The following DNAH17 variants were observed in gnomAD, a reference collection of about 807,000 sequenced individuals.
The protein encoded by DNAH17 is dynein axonemal heavy chain 17, also known as axonemal beta dynein heavy chain 17.
In DNAH17, 376 loss-of-function variants were observed where a neutral mutation model predicts 485.6. That is an observed-to-expected ratio of 0.77 (90% CI 0.71 to 0.84). The LOEUF is 0.84. DNAH17 is among the 40% of genes least tolerant of loss of function. The pLI, the probability that DNAH17 is intolerant of heterozygous loss-of-function variation, is 0.00. For missense variants in DNAH17, 6,370 were observed against 5,839.3 expected, an observed-to-expected ratio of 1.09 and a Z score of -2.96; for synonymous variants, 3,031 against 2,405.9, an observed-to-expected ratio of 1.26 and a Z score of -7.60.
chr17:78,569,607 T>C lies in DNAH17; in HGVS notation c.1045-80A>G. The C allele has an allele frequency of 2.0e-6, 3 of 1,490,710 alleles. No individual in the cohort carries two copies. In the East Asian group the frequency reaches 7.3e-5, roughly 36 times the overall value. 92.3% of individuals were successfully genotyped at this position (1,490,710 alleles called of 1,614,324 possible). A position where few individuals can be genotyped will look rare whatever the true frequency, so the allele number is the denominator to read the frequency against. On this transcript the variant is annotated intron_variant, in intron 7 of 80. Coordinates refer to ENST00000389840, the MANE Select transcript of DNAH17 (RefSeq NM_173628.4). ...GTCCAGGCACGCCGCCTGCAGGACCTGTGATCTGTTCTGACATATGGATAT... is the reference window on the plus strand; with the variant it reads ...GTCCAGGCACGCCGCCTGCAGGACCCGTGATCTGTTCTGACATATGGATAT...
chr17:78,519,311 G>C (rs1043465167), intron 25 of DNAH17, among the ~76,000 whole-genome samples: 1 of 151,980 alleles, frequency 6.6e-6, no homozygotes, highest in African/African-American at 2.4e-5. Context: ...CTAATGTAGA[G>C]AGGGAAATTT....
In DNAH17 at chr17:78,500,369, TC is replaced by T. The variant is rs2090236894; in HGVS notation, c.5575del (p.Asp1859ThrfsTer53). The T allele has an allele frequency of 2.5e-6, 4 of 1,612,478 alleles. No individual in the cohort carries two copies. The highest frequency in any genetic ancestry group is 3.4e-6 in the Non-Finnish European group (4 of 1,179,424). ...CATGGTGCCCAGGGCTCTGCCCAGG[TC>T]CTTGGTCGTCTCAGTCTTGCCGGTC... ...AGTGKTETTK[D>X]LGRALGTMVY... is the part of the protein sequence containing the mutation. On this transcript the variant is annotated frameshift_variant, in exon 36 of 81. Transcript: ENST00000389840. LOFTEE classifies it high-confidence loss of function.
chr17:78,572,634 G>T lies in DNAH17; in HGVS notation c.539+67C>A, dbSNP rs8073667. The stretch of plus-strand genomic sequence containing the variant: ...GTCGGAGTGGGGTGGAGTGGGGTGG[G>T]GGGTGGGGGTCAAGCATGTGCCTCT... On this transcript the variant is annotated intron_variant, in intron 3 of 80. Coordinates refer to ENST00000389840, the MANE Select transcript of DNAH17 (RefSeq NM_173628.4). The T allele has an allele frequency of 0.24, 325,412 of 1,360,924 alleles. 41,436 individuals carry two copies. Among genetic ancestry groups the T allele is most frequent in the East Asian group, 0.53 (20,828 of 38,936 alleles). The allele number at this position is 1,360,924 out of a possible 1,614,324, so 84.3% of individuals were successfully genotyped here. A position where few individuals can be genotyped will look rare whatever the true frequency, so the allele number is the denominator to read the frequency against.
At position 78,572,828 on chromosome 17, in the gene DNAH17, T is replaced by G. The variant is rs935092556; in HGVS notation, c.412A>C (p.Ile138Leu). Residue 138 changes from isoleucine to leucine, a missense_variant, in exon 3 of 81, where the codon ATC becomes CTC. Ile to Leu is a conservative substitution (Grantham distance 5). Transcript: ENST00000389840. ...TTCAGCCTGTGGACCTGCTTCACGA[T>G]GTCTTCCGAGACCACCTGGGGCCAT... ...AGWPQVVSED[I>L]VKQVHRLKNE... is the part of the protein sequence containing the mutation. 6.2e-7 allele frequency: 1 copy of G among 1,613,974 alleles called. No homozygotes were observed. The highest frequency in any genetic ancestry group is 1.7e-5 in the Admixed American group (1 of 60,012).
intron 33 of DNAH17, 73 bp downstream of exon 33, chr17:78,502,518 G>A (rs1366883859): frequency 2.9e-6 from 4 of 1,389,030 alleles, no homozygotes; most frequent in Non-Finnish European, 3.9e-6. Context: ...GGTTTCAGAA[G>A]GATACACGGG....
intron 16 of DNAH17, among the ~76,000 whole-genome samples, chr17:78,549,359 G>C (rs1055412797): frequency 1.3e-5 from 2 of 152,196 alleles, no homozygotes; most frequent in African/African-American, 4.8e-5. Flanking sequence ...CAGGAACTCA[G>C]TCTGCAGTAT....
chr17:78,572,448 G>T (rs577946912), intron 3 of DNAH17, among the ~76,000 whole-genome samples: 2 of 152,090 alleles, frequency 1.3e-5, no homozygotes, highest in African/African-American at 2.4e-5. Context: ...GTGACCCAGC[G>T]GGGGGTGTGG....
intron 25 of DNAH17, among the ~76,000 whole-genome samples, chr17:78,519,735 C>T (rs1366070034): frequency 1.3e-5 from 2 of 152,186 alleles, no homozygotes; most frequent in Non-Finnish European, 2.9e-5. Flanking sequence ...AAATTCACTA[C>T]CAAGATTTTC....
At chr17:78,434,706 T>C (rs1269130744) in intron 74 of DNAH17, among the ~76,000 whole-genome samples, 1 of 152,094 alleles carries the variant, frequency 6.6e-6, no homozygotes, top group Non-Finnish European at 1.5e-5. Flanking sequence ...ACCCTTTCTT[T>C]TTATCTGGCT....
At position 78,475,837 on chromosome 17, in the gene DNAH17, G is replaced by T; in HGVS notation, c.8155-4C>A. ...ATAAGAGTTCATCACCAAGATCCTA[G>T]AAAAAGAAAAAAAAAGACGATACTT... On this transcript the variant is annotated splice_region_variant and splice_polypyrimidine_tract_variant and intron_variant, in intron 52 of 80. Transcript: ENST00000389840. The T allele has an allele frequency of 6.3e-7, 1 of 1,595,964 alleles. No homozygotes were observed. The highest frequency in any genetic ancestry group is 8.5e-7 in the Non-Finnish European group (1 of 1,174,720).
intron 58 of DNAH17, among the ~76,000 whole-genome samples, chr17:78,460,648 T>A (rs1367436958): frequency 6.6e-6 from 1 of 152,156 alleles, no homozygotes; most frequent in African/African-American, 2.4e-5. Context: ...AACGCTCAGG[T>A]CAGAATGAGC....
intron 54 of DNAH17, among the ~76,000 whole-genome samples, chr17:78,473,185 A>G (rs900155037): frequency 2.0e-5 from 3 of 152,292 alleles, no homozygotes; most frequent in Admixed American, 2.0e-4. Context: ...CCCCCAATAC[A>G]ATTCAGGAAC....
chr17:78,489,473 G>A (rs924362319), intron 44 of DNAH17: 5 of 152,168 alleles, frequency 3.3e-5, no homozygotes, highest in African/African-American at 7.2e-5. Flanking sequence ...CCCTCAACAC[G>A]CCCTGAAGCT....
chr17:78,475,403 TC>T lies in DNAH17; in HGVS notation c.8385del (p.Asn2796MetfsTer50), dbSNP rs2088968197. On this transcript the variant is annotated frameshift_variant, in exon 54 of 81. Transcript: ENST00000389840. LOFTEE classifies it high-confidence loss of function. ...CCGCCCACCCCCACCAGCAGGGCATTCCCCCGGGGAGACTCCAGGATGCGAT... is the reference window on the plus strand; with the variant it reads ...CCGCCCACCCCCACCAGCAGGGCATTCCCCGGGGAGACTCCAGGATGCGAT... ...RINRILESPR[G>X]NALLVGVGGS... 5 of 1,613,644 alleles carry T rather than the reference TC, an allele frequency of 3.1e-6. No homozygotes were observed. The highest frequency in any genetic ancestry group is 4.2e-6 in the Non-Finnish European group (5 of 1,179,844).
chr17:78,566,098 C>A (rs1392769962), intron 11 of DNAH17, among the ~76,000 whole-genome samples: 2 of 151,688 alleles, frequency 1.3e-5, no homozygotes, highest in Non-Finnish European at 2.9e-5. Context: ...GGAAGTAGAC[C>A]CTCACCAGAC....
chr17:78,483,616 G>C (rs557012593), intron 48 of DNAH17, among the ~76,000 whole-genome samples: 18 of 143,648 alleles, frequency 1.3e-4, no homozygotes, highest in Middle Eastern at 3.6e-3. Flanking sequence ...GGCAGCAAGA[G>C]CGAAACTCTG....
chr17:78,544,307 C>A (rs1011503976), intron 16 of DNAH17, among the ~76,000 whole-genome samples: 1 of 152,234 alleles, frequency 6.6e-6, no homozygotes, highest in East Asian at 1.9e-4. Flanking sequence ...GCATCTAATT[C>A]TCTCTTTAGG....
At chr17:78,437,547 TCA>T in intron 74 of DNAH17, 92 bp downstream of exon 74, 1 of 916,488 alleles carries the variant, frequency 1.1e-6, no homozygotes, top group Non-Finnish European at 1.6e-6. Context: ...TCCCCAGAGT[TCA>T]GAGCGGTCCT....
Position 78,571,779 on chromosome 17 carries a change from G to A in DNAH17, c.543C>T (p.Ile181=), listed in dbSNP as rs192565429. ...GGAGCAAGTTGTCCAGTGAAGAGGG[G>A]ATCCTGCCCAGTGGAAGGTTGGGGC... ...LDGTLESMER[I]PSSLDNLLLH... The change falls in exon 4 of 81, where the codon ATC becomes ATT. Residue 181 remains isoleucine (I), a synonymous_variant. Coordinates refer to ENST00000389840, the MANE Select transcript of DNAH17 (RefSeq NM_173628.4). 357 of 1,578,710 alleles carry A rather than the reference G, an allele frequency of 2.3e-4. 3 individuals carry two copies. In the East Asian group the frequency reaches 5.2e-3, roughly 23 times the overall value.
Sources: gnomAD v4.1 joint callset for allele counts (sites outside exome capture counted in the v4.1 genomes callset) on GRCh38, gnomAD v4.1.1 for gene constraint, MANE v1.5 for transcripts, NCBI Gene and HGNC (gene_info 2026-07-23, HGNC 2026-07-21) for gene names.